Variants in OSBPL9 observed in about 807,000 individuals in gnomAD.
The protein encoded by OSBPL9 is oxysterol-binding protein-related protein 9.
Under a neutral mutation model 106.6 loss-of-function variants are expected in OSBPL9, and 40 were observed. The ratio of observed to expected loss-of-function variants is 0.38; its 90% CI spans 0.29 to 0.49. OSBPL9 has a LOEUF of 0.49. Ranked by LOEUF, OSBPL9 falls within the 20% of genes least tolerant of loss-of-function variation. The pLI is 0.97. For missense variants in OSBPL9, 609 were observed against 887.2 expected, an observed-to-expected ratio of 0.69 and a Z score of 3.98; for synonymous variants, 269 against 295.4, an observed-to-expected ratio of 0.91 and a Z score of 0.92.
At chr1:51,524,649 T>G in the OSBPL9 span, among the ~76,000 whole-genome samples, 3,340 of 152,208 alleles carry the variant, frequency 0.022, 32 homozygotes, top group Middle Eastern at 0.034. Flanking sequence ...CACTTAATGG[T>G]TTTTTACATA....
intron 3 of OSBPL9, among the ~76,000 whole-genome samples, chr1:51,705,241 G>A (rs1159106996): frequency 6.6e-6 from 1 of 150,826 alleles, no homozygotes; most frequent in Non-Finnish European, 1.5e-5. Flanking sequence ...TCGAACTCTT[G>A]GGCTCAAGTG....
chr1:51,643,960 G>A (rs912709699), intron 1 of OSBPL9, among the ~76,000 whole-genome samples: 1 of 151,428 alleles, frequency 6.6e-6, no homozygotes, highest in Non-Finnish European at 1.5e-5. Flanking sequence ...CATGCCTGTA[G>A]TCCCAGCTAC....
At position 51,788,353 on chromosome 1, in the gene OSBPL9, T is replaced by TTTTA. The variant is rs1678206749; in HGVS notation, c.*568_*571dup. ...ATTTCATGGTCTTACCTACAATAAC[T>TTTTA]TTTATTTTGGAATTGAACTATTATT... On this transcript the variant is annotated 3_prime_UTR_variant, in exon 24 of 24. Transcript: ENST00000428468. 1 of 152,686 alleles carries TTTTA rather than the reference T, an allele frequency of 6.5e-6. No individual in the cohort carries two copies. The highest frequency in any genetic ancestry group is 2.1e-4 in the South Asian group (1 of 4,828). 9.5% of individuals were successfully genotyped at this position (152,686 alleles called of 1,614,324 possible). A position where few individuals can be genotyped will look rare whatever the true frequency, so the allele number is the denominator to read the frequency against.
intron 3 of OSBPL9, among the ~76,000 whole-genome samples, chr1:51,693,112 G>A (rs563236986): frequency 6.6e-6 from 1 of 152,128 alleles, no homozygotes; most frequent in South Asian, 2.1e-4. Context: ...GAGTGTGATG[G>A]CTCACCCCTG....
At chr1:51,715,095 C>T (rs1368037968) in intron 4 of OSBPL9, among the ~76,000 whole-genome samples, 3 of 152,084 alleles carry the variant, frequency 2.0e-5, no homozygotes, top group Non-Finnish European at 4.4e-5. Flanking sequence ...TGTTTTATAA[C>T]CCTTTCTCTG....
At chr1:51,559,440 TACAC>T in the OSBPL9 span, among the ~76,000 whole-genome samples, 35,784 of 147,520 alleles carry the variant, frequency 0.24, 4,861 homozygotes, top group Middle Eastern at 0.34. Flanking sequence ...CACACATACA[TACAC>T]ACACACACAC....
the OSBPL9 span, among the ~76,000 whole-genome samples, chr1:51,531,607 C>T: frequency 6.6e-6 from 1 of 152,104 alleles, no homozygotes; most frequent in Non-Finnish European, 1.5e-5. Context: ...TGGAAGAAGC[C>T]AATTTAGAGA....
At chr1:51,664,269 G>C (rs1557659023) in intron 2 of OSBPL9, among the ~76,000 whole-genome samples, 1 of 152,294 alleles carries the variant, frequency 6.6e-6, no homozygotes, top group East Asian at 1.9e-4. Flanking sequence ...ACAGAGGAAT[G>C]ATATATATAG....
chr1:51,675,815 G>A (rs1651051307), intron 3 of OSBPL9, among the ~76,000 whole-genome samples: 1 of 152,024 alleles, frequency 6.6e-6, no homozygotes, highest in African/African-American at 2.4e-5. Flanking sequence ...TCTGTTTAAT[G>A]ATTTAATATC....
At chr1:51,688,459 C>CT (rs112386554) in intron 3 of OSBPL9, among the ~76,000 whole-genome samples, 37,297 of 151,566 alleles carry the variant, frequency 0.25, 6,397 homozygotes, top group African/African-American at 0.48. Flanking sequence ...AGGCGAGATC[C>CT]TTTTGAAATT....
chr1:51,789,144 G>A lies in OSBPL9; in HGVS notation c.*1355G>A. 8.4e-7 allele frequency: 1 copy of A among 1,187,160 alleles called. No individual in the cohort carries two copies. Among genetic ancestry groups the A allele is most frequent in the Admixed American group, 1.7e-5 (1 of 57,296 alleles). The allele number at this position is 1,187,160 out of a possible 1,614,324, so 73.5% of individuals were successfully genotyped here. ...ATGCCAGTGCAAAACTTCAATGGAA[G>A]CCCTAAGGCAGTAGTATAACTAACT... On this transcript the variant is annotated 3_prime_UTR_variant, in exon 24 of 24. Coordinates refer to ENST00000428468, the MANE Select transcript of OSBPL9 (RefSeq NM_024586.6).
the OSBPL9 span, chr1:51,565,926 G>A: frequency 1.3e-5 from 2 of 152,078 alleles, no homozygotes; most frequent in Admixed American, 6.5e-5. Flanking sequence ...AGAGGGCAAG[G>A]GTTGTTCTAT....
intron 6 of OSBPL9, among the ~76,000 whole-genome samples, chr1:51,747,124 A>G (rs1440921230): frequency 1.3e-5 from 2 of 151,988 alleles, no homozygotes; most frequent in African/African-American, 4.8e-5. Context: ...CATGTGCCAC[A>G]CCTGGCCAAT....
At chr1:51,737,545 G>GGGGT (rs1553178248) in intron 4 of OSBPL9, among the ~76,000 whole-genome samples, 4 of 142,436 alleles carry the variant, frequency 2.8e-5, no homozygotes, top group Admixed American at 1.4e-4. Flanking sequence ...ATATTTCAGG[G>GGGGT]GTGTGTGTGT....
intron 15 of OSBPL9, among the ~76,000 whole-genome samples, chr1:51,779,021 A>G (rs1313020239): frequency 2.0e-5 from 3 of 152,228 alleles, no homozygotes; most frequent in Non-Finnish European, 4.4e-5. Flanking sequence ...CATGGACTTA[A>G]TCTATGATAC....
intron 2 of OSBPL9, among the ~76,000 whole-genome samples, chr1:51,610,878 A>G (rs900878614): frequency 3.9e-5 from 6 of 152,218 alleles, no homozygotes; most frequent in African/African-American, 1.4e-4. Context: ...TGAGTCCTCA[A>G]AGAACCCAAG....
chr1:51,567,210 G>A, the OSBPL9 span: 1 of 152,086 alleles, frequency 6.6e-6, no homozygotes. Context: ...GTTGGGTAGG[G>A]GTCCTCTTCT....
At position 51,608,677 on chromosome 1, in the gene OSBPL9, T is replaced by TGG. The variant is rs72228350; in HGVS notation, c.-352-5618_-352-5617dup. ...TGATGGTCACCTGACATTCCTGGAT[T>TGG]GGGGGGGGGGGCTTTCCTGCCCTGC... is the stretch of plus-strand genomic sequence containing the variant. On this transcript the variant is annotated intron_variant, in intron 2 of 25. Transcript: ENST00000371714. 9.3e-3 allele frequency among the ~76,000 whole-genome samples: 1,302 copies of TGG among 140,504 alleles called. 15 individuals carry two copies. The highest frequency in any genetic ancestry group is 0.032 in the African/African-American group (1,221 of 38,486). 92.2% of individuals were successfully genotyped at this position (140,504 alleles called of 152,430 possible).
At position 51,729,824 on chromosome 1, in the gene OSBPL9, G is replaced by A; in HGVS notation, c.319-15712G>A. ...GAAAGGGGTGGGGGGTGAAGGGGGTGAAGGGGGTGTCCCGGGGGACGGGCT... is the reference window on the plus strand; with the variant it reads ...GAAAGGGGTGGGGGGTGAAGGGGGTAAAGGGGGTGTCCCGGGGGACGGGCT... On this transcript the variant is annotated intron_variant, in intron 4 of 23. Coordinates refer to ENST00000428468, the MANE Select transcript of OSBPL9 (RefSeq NM_024586.6). The surrounding 1 kb of genome is among the most constrained non-coding windows in gnomAD (Gnocchi z 5.1). 8.1e-7 allele frequency: 1 copy of A among 1,233,510 alleles called. No individual in the cohort carries two copies. Among genetic ancestry groups the A allele is most frequent in the East Asian group, 3.2e-5 (1 of 31,576 alleles). 76.4% of individuals were successfully genotyped at this position (1,233,510 alleles called of 1,614,324 possible). A position where few individuals can be genotyped will look rare whatever the true frequency, so the allele number is the denominator to read the frequency against.
Sources: allele counts gnomAD v4.1 joint callset (sites outside exome capture counted in the v4.1 genomes callset), GRCh38; gene constraint gnomAD v4.1.1; non-coding constraint Gnocchi (gnomAD v3.1); transcripts MANE v1.5; gene names NCBI Gene and HGNC (gene_info 2026-07-23, HGNC 2026-07-21).